RBFOX1: variants seen among roughly 807,000 people sequenced by gnomAD.
The protein encoded by RBFOX1 is RNA binding fox-1 homolog 1.
In RBFOX1, 8 loss-of-function variants were observed where a neutral mutation model predicts 57.7. The ratio of observed to expected loss-of-function variants is 0.14; its 90% confidence interval spans 0.08 to 0.25. The LOEUF is 0.25. RBFOX1 is among the 10% of genes least tolerant of loss of function. The pLI is 1.00. For missense variants in RBFOX1, 611 were observed against 548.5 expected, an observed-to-expected ratio of 1.11 and a Z score of -1.14; for synonymous variants, 326 against 222.4, an observed-to-expected ratio of 1.47 and a Z score of -4.15.
At chr16:5,556,675 T>C (rs1358306707) in intron 2 of RBFOX1, among the ~76,000 whole-genome samples, 1 of 152,200 alleles carries the variant, frequency 6.6e-6, no homozygotes, top group African/African-American at 2.4e-5. Flanking sequence ...CTCGGGCACC[T>C]TCCATGTGAT....
intron 1 of RBFOX1, among the ~76,000 whole-genome samples, chr16:6,262,702 T>C (rs769045963): frequency 2.6e-5 from 4 of 152,146 alleles, no homozygotes; most frequent in Non-Finnish European, 4.4e-5. Flanking sequence ...ATTTAAAGTT[T>C]AGGTGGGAAG....
intron 4 of RBFOX1, among the ~76,000 whole-genome samples, chr16:7,322,604 T>A (rs1177713191): frequency 6.6e-6 from 1 of 152,160 alleles, no homozygotes; most frequent in Non-Finnish European, 1.5e-5. Context: ...ATGGGGAATA[T>A]TTGGGGAGTT....
chr16:5,335,542 C>T (rs1596556969), intron 1 of RBFOX1, among the ~76,000 whole-genome samples: 1 of 152,222 alleles, frequency 6.6e-6, no homozygotes, highest in South Asian at 2.1e-4. Context: ...AGAGTTTTTC[C>T]CGTCACTGGG....
At chr16:7,193,688 G>T (rs1375508038) in intron 4 of RBFOX1, among the ~76,000 whole-genome samples, 1 of 152,190 alleles carries the variant, frequency 6.6e-6, no homozygotes, top group East Asian at 1.9e-4. Context: ...CACAGAGCTG[G>T]TATGTGACAA....
intron 2 of RBFOX1, among the ~76,000 whole-genome samples, chr16:6,553,413 A>G (rs1420849575): frequency 1.3e-5 from 2 of 152,196 alleles, no homozygotes; most frequent in Non-Finnish European, 2.9e-5. Flanking sequence ...AGAAAGGAGA[A>G]TGCTCTTTTT....
At chr16:5,956,674 A>ATTTTTTT (rs1479571823) in intron 4 of RBFOX1, among the ~76,000 whole-genome samples, 1,483 of 89,032 alleles carry the variant, frequency 0.017, 34 homozygotes, top group Middle Eastern at 0.021. Flanking sequence ...ATATATATAT[A>ATTTTTTT]TATATTTTTT....
intron 4 of RBFOX1, among the ~76,000 whole-genome samples, chr16:7,267,830 G>A (rs1401668407): frequency 3.3e-5 from 5 of 151,866 alleles, no homozygotes; most frequent in African/African-American, 4.8e-5. Flanking sequence ...CACTCCAGCC[G>A]GGGCAACAGA....
chr16:6,914,467 G>C (rs954212172), intron 3 of RBFOX1, among the ~76,000 whole-genome samples: 11 of 151,930 alleles, frequency 7.2e-5, no homozygotes, highest in African/African-American at 2.7e-4. Context: ...TAAGAACACA[G>C]ACCTAGGTGT....
chr16:7,321,275 G>C (rs1444292788), intron 4 of RBFOX1, among the ~76,000 whole-genome samples: 1 of 152,022 alleles, frequency 6.6e-6, no homozygotes, highest in African/African-American at 2.4e-5. Flanking sequence ...CTCCTAAGTA[G>C]CTGGGATTAC....
In RBFOX1 at chr16:5,941,350, C is replaced by T. The variant is rs922593342; in HGVS notation, c.351+74015C>T. Reference sequence around the variant, plus strand: ...ACATTTTTTTTTTAAGTTAGCTGGGCATGGTAGAGCATGCCTGTCGTCCCA... The same window carrying T: ...ACATTTTTTTTTTAAGTTAGCTGGGTATGGTAGAGCATGCCTGTCGTCCCA... On this transcript the variant is annotated intron_variant, in intron 4 of 19. Transcript: ENST00000641259. Among the ~76,000 whole-genome samples, 9 of 151,614 alleles carry T rather than the reference C, an allele frequency of 5.9e-5. No individual in the cohort carries two copies. In the South Asian group the frequency reaches 1.9e-3, roughly 32 times the overall value.
At chr16:5,290,663 G>A (rs2063511297) in intron 1 of RBFOX1, among the ~76,000 whole-genome samples, 1 of 151,654 alleles carries the variant, frequency 6.6e-6, no homozygotes, top group Non-Finnish European at 1.5e-5. Flanking sequence ...GCATAGTGAA[G>A]TCCCTGAGGT....
intron 3 of RBFOX1, among the ~76,000 whole-genome samples, chr16:6,863,949 C>T (rs1400224178): frequency 1.3e-5 from 2 of 150,542 alleles, no homozygotes; most frequent in East Asian, 3.9e-4. Context: ...CTTCTTCCTT[C>T]TCTTGCAAAA....
At chr16:6,691,453 A>T (rs569948128) in intron 3 of RBFOX1, among the ~76,000 whole-genome samples, 5 of 132,830 alleles carry the variant, frequency 3.8e-5, no homozygotes, top group Admixed American at 2.5e-4. Flanking sequence ...TTTACCATCT[A>T]TTCCTTTTTC....
chr16:7,162,053 C>T (rs1442759896), intron 4 of RBFOX1, among the ~76,000 whole-genome samples: 1 of 152,188 alleles, frequency 6.6e-6, no homozygotes, highest in Non-Finnish European at 1.5e-5. Flanking sequence ...AGCCTGTTTC[C>T]TTCTCTCAGA....
intron 3 of RBFOX1, among the ~76,000 whole-genome samples, chr16:6,823,702 GTTCA>G (rs1211989898): frequency 1.3e-5 from 2 of 151,722 alleles, no homozygotes; most frequent in African/African-American, 4.8e-5. Context: ...TCATTCATTT[GTTCA>G]TTCATTCATT....
chr16:6,552,630 A>T (rs1311310296), intron 2 of RBFOX1, among the ~76,000 whole-genome samples: 1 of 152,160 alleles, frequency 6.6e-6, no homozygotes, highest in East Asian at 1.9e-4. Flanking sequence ...TTACCTTCTG[A>T]AATTTGGCAT....
chr16:5,850,788 C>T (rs1040453726), intron 3 of RBFOX1, among the ~76,000 whole-genome samples: 6 of 152,214 alleles, frequency 3.9e-5, no homozygotes, highest in African/African-American at 1.4e-4. Flanking sequence ...ATTTCCTTCA[C>T]TTGCCATCTC....
At chr16:5,557,849 C>T (rs1028166101) in intron 2 of RBFOX1, among the ~76,000 whole-genome samples, 2 of 152,196 alleles carry the variant, frequency 1.3e-5, no homozygotes, top group African/African-American at 4.8e-5. Flanking sequence ...GCCCCTCGTC[C>T]TGGCCCCGTA....
chr16:7,016,797 G>A (rs901394564), intron 3 of RBFOX1, among the ~76,000 whole-genome samples: 2 of 152,278 alleles, frequency 1.3e-5, no homozygotes, highest in African/African-American at 2.4e-5. Context: ...GTGACAGGAC[G>A]TGGTTACCCG....
Sources: allele counts gnomAD v4.1 joint callset (sites outside exome capture counted in the v4.1 genomes callset), GRCh38; gene constraint gnomAD v4.1.1; transcripts MANE v1.5; gene names NCBI Gene and HGNC (gene_info 2026-07-23, HGNC 2026-07-21).